IRAG2: variants seen among roughly 807,000 people sequenced by gnomAD.
IRAG2 encodes inositol 1,4,5-triphosphate receptor associated 2, also known as lymphoid restricted membrane protein.
Under a neutral mutation model 69.9 loss-of-function variants are expected in IRAG2, and 45 were observed. That is an observed-to-expected ratio of 0.64 (90% CI 0.51 to 0.83). The LOEUF is 0.83. Ranked by LOEUF, IRAG2 falls within the 40% of genes least tolerant of loss-of-function variation. The probability of loss-of-function intolerance (pLI) is 0.00; values close to 1 mark genes in which losing one functional copy is unlikely to be tolerated. For missense variants in IRAG2, 520 were observed against 587.0 expected (o/e 0.89, Z 1.18); for synonymous variants, 193 against 202.4 (o/e 0.95, Z 0.40).
upstream of IRAG2, chr12:25,052,204 CT>C (rs10690368): frequency 0.085 from 23,194 of 271,596 alleles, 40 homozygotes; most frequent in East Asian, 0.14. Context: ...GCGGTTTGGA[CT>C]TTTTTTTTTT....
At chr12:25,077,355 ATATATG>A (rs1417851144) in intron 6 of IRAG2, among the ~76,000 whole-genome samples, 2 of 12,306 alleles carry the variant, frequency 1.6e-4, no homozygotes, top group South Asian at 8.1e-3. Flanking sequence ...TATATATGAT[ATATATG>A]ATATATATGA....
intron 21 of IRAG2, among the ~76,000 whole-genome samples, 174 bp from the exon 22 acceptor site, chr12:25,107,643 C>T (rs1212093274): frequency 6.6e-6 from 1 of 152,242 alleles, no homozygotes; most frequent in African/African-American, 2.4e-5. Flanking sequence ...CTAATAGGTA[C>T]AAAGGGTGGG....
chr12:25,007,770 C>T (rs1944444040), intron 2 of IRAG2, among the ~76,000 whole-genome samples: 1 of 152,218 alleles, frequency 6.6e-6, no homozygotes. Flanking sequence ...GATCCACTCA[C>T]CTCGGCTTCC....
chr12:25,000,432 G>A (rs561182953), upstream of IRAG2, among the ~76,000 whole-genome samples: 139 of 151,724 alleles, frequency 9.2e-4, no homozygotes, highest in African/African-American at 3.1e-3. Context: ...GGGTGACAGA[G>A]GGGGCACCAT....
chr12:25,098,185 A>G (rs902525661), intron 15 of IRAG2, among the ~76,000 whole-genome samples: 4 of 152,134 alleles, frequency 2.6e-5, no homozygotes, highest in Admixed American at 2.0e-4. Flanking sequence ...TCCACCTCTC[A>G]TGCCTGCATA....
intron 8 of IRAG2, among the ~76,000 whole-genome samples, chr12:25,025,586 C>G (rs1944614798): frequency 6.6e-6 from 1 of 152,162 alleles, no homozygotes; most frequent in South Asian, 2.1e-4. Flanking sequence ...GTAATATGAT[C>G]TAATTCCGTT....
intron 5 of IRAG2, among the ~76,000 whole-genome samples, chr12:25,068,794 A>G (rs1406929908): frequency 6.6e-6 from 1 of 152,172 alleles, no homozygotes; most frequent in Admixed American, 6.6e-5. Context: ...AGATTCCCCT[A>G]GCACCTCTGT....
At chr12:25,028,062 T>C (rs1275417509) in intron 9 of IRAG2, among the ~76,000 whole-genome samples, 1 of 152,158 alleles carries the variant, frequency 6.6e-6, no homozygotes, top group Non-Finnish European at 1.5e-5. Flanking sequence ...GTAGCTGGGA[T>C]TACAGGCGTG....
At chr12:25,100,543 C>G (rs1481676021) in intron 15 of IRAG2, among the ~76,000 whole-genome samples, 1 of 152,126 alleles carries the variant, frequency 6.6e-6, no homozygotes. Flanking sequence ...CAGAGAAAAA[C>G]CTTCCAACTG....
chr12:25,052,528 G>A (rs113111522), upstream of IRAG2: 131 of 397,056 alleles, frequency 3.3e-4, 1 homozygote, highest in African/African-American at 2.4e-3. Flanking sequence ...GGAGTTGTAA[G>A]AGAGGCGGTA....
chr12:25,071,239 G>A (rs1416246477), intron 6 of IRAG2, among the ~76,000 whole-genome samples: 2 of 152,076 alleles, frequency 1.3e-5, no homozygotes, highest in Admixed American at 1.3e-4. Context: ...CCAGCTACTT[G>A]GAAGGCTGAG....
At chr12:25,012,656 T>C (rs12314656) in intron 3 of IRAG2, among the ~76,000 whole-genome samples, 8,420 of 152,128 alleles carry the variant, frequency 0.055, 464 homozygotes, top group African/African-American at 0.15. Context: ...GGTGAAACCC[T>C]GTCTCTACTA....
intron 1 of IRAG2, among the ~76,000 whole-genome samples, chr12:25,055,555 C>T (rs1945190180): frequency 6.6e-6 from 1 of 151,988 alleles, no homozygotes; most frequent in African/African-American, 2.4e-5. Context: ...TGTGCTGCAC[C>T]CATTAACTCG....
chr12:25,074,418 C>G (rs987093231), intron 6 of IRAG2, among the ~76,000 whole-genome samples: 2 of 152,188 alleles, frequency 1.3e-5, no homozygotes, highest in African/African-American at 4.8e-5. Flanking sequence ...GCCTCACCGA[C>G]TAGTGGCTTC....
chr12:25,078,523 C>A (rs1286820368), intron 6 of IRAG2, among the ~76,000 whole-genome samples: 1 of 152,032 alleles, frequency 6.6e-6, no homozygotes, highest in Non-Finnish European at 1.5e-5. Context: ...TAAACTAAAT[C>A]AAATAATTAA....
rs1176798752 is a variant in IRAG2, at chr12:25,090,860, A to G, written c.606+663A>G. On this transcript the variant is annotated intron_variant, in intron 14 of 21. Coordinates refer to ENST00000556887, the MANE Select transcript of IRAG2 (RefSeq NM_001366544.2). ...GAAAACTGAGCAATAGGAAATATCA[A>G]TTTTAAGCTTCAAAGAAGAGAATCG... is the stretch of plus-strand genomic sequence containing the variant. 1.3e-5 allele frequency: 6 copies of G among 454,102 alleles called. 1 individual carries two copies. The highest frequency in any genetic ancestry group is 7.8e-5 in the South Asian group (5 of 63,968). The allele number at this position is 454,102 out of a possible 1,614,324, so 28.1% of individuals were successfully genotyped here. A position where few individuals can be genotyped will look rare whatever the true frequency, so the allele number is the denominator to read the frequency against.
chr12:25,041,248 C>T (rs1193138200), intron 16 of IRAG2, among the ~76,000 whole-genome samples: 2 of 152,242 alleles, frequency 1.3e-5, no homozygotes, highest in East Asian at 3.9e-4. Context: ...AGGGGCCAGG[C>T]CACACACAGC....
upstream of IRAG2, among the ~76,000 whole-genome samples, chr12:25,003,474 T>C (rs1944407709): frequency 6.7e-6 from 1 of 149,978 alleles, no homozygotes; most frequent in African/African-American, 2.5e-5. Flanking sequence ...ACCTCCTGAG[T>C]AGCTGGAACT....
At chr12:25,032,237 G>T (rs1048780190) in intron 11 of IRAG2, 4 of 398,884 alleles carry the variant, frequency 1.0e-5, no homozygotes, top group African/African-American at 4.1e-5. Context: ...ACCTTGCAAG[G>T]TGGGCTTGTT....
Sources: gnomAD v4.1 joint callset for allele counts (sites outside exome capture counted in the v4.1 genomes callset) on GRCh38, gnomAD v4.1.1 for gene constraint, MANE v1.5 for transcripts, NCBI Gene and HGNC (gene_info 2026-07-23, HGNC 2026-07-21) for gene names.